Variants in GDPD5 observed in about 807,000 individuals in gnomAD.
GDPD5 encodes glycerophosphodiester phosphodiesterase domain containing 5.
GDPD5 carries 48 observed loss-of-function variants against 75.1 expected under a neutral mutation model. The observed-to-expected ratio is 0.64, with a 90% CI of 0.51 to 0.81. The LOEUF (loss-of-function observed/expected upper bound fraction) is 0.81, where lower values mean the gene tolerates loss of function less well. GDPD5 is among the 40% of genes least tolerant of loss of function. The probability of loss-of-function intolerance (pLI) is 0.00; values close to 1 mark genes in which losing one functional copy is unlikely to be tolerated. For missense variants in GDPD5, 706 were observed against 822.6 expected (o/e 0.86, Z 1.73); for synonymous variants, 336 against 339.0 (o/e 0.99, Z 0.10).
chr11:75,457,782 G>C lies in GDPD5; in HGVS notation c.226C>G (p.Leu76Val). The C allele has an allele frequency of 1.9e-6, 3 of 1,613,818 alleles. No individual in the cohort carries two copies. In the South Asian group the frequency reaches 3.3e-5, roughly 18 times the overall value. The change falls in exon 5 of 17, where the codon CTC becomes GTC. Residue 76 changes from leucine (L) to valine (V), a missense_variant. Transcript: ENST00000336898. ...CTCCAGTAGCCCATGCGGTTGTAGA[G>C]GTACCTGCCAGGAGGAGAGGGGGCA... ...HNDYDEFNWY[L>V]YNRMGYWSDW...
chr11:75,473,992 C>T (rs143185318), intron 3 of GDPD5, among the ~76,000 whole-genome samples: 43 of 152,268 alleles, frequency 2.8e-4, no homozygotes, highest in Admixed American at 8.5e-4. Flanking sequence ...CTTATGACCC[C>T]AGAGCAGGTA....
At chr11:75,495,472 A>G (rs1263989563) in intron 1 of GDPD5, among the ~76,000 whole-genome samples, 2 of 152,106 alleles carry the variant, frequency 1.3e-5, no homozygotes, top group African/African-American at 4.8e-5. Flanking sequence ...GTCTCAAAAA[A>G]AGAAAAAAAA....
chr11:75,498,241 C>A (rs1398544750), intron 1 of GDPD5, among the ~76,000 whole-genome samples: 1 of 152,210 alleles, frequency 6.6e-6, no homozygotes, highest in Non-Finnish European at 1.5e-5. Context: ...AAGTGAGAGT[C>A]ACATAGTCAG....
At chr11:75,520,935 A>T (rs952908416) in intron 1 of GDPD5, among the ~76,000 whole-genome samples, 7 of 152,144 alleles carry the variant, frequency 4.6e-5, no homozygotes, top group Admixed American at 2.6e-4. Flanking sequence ...AGCTCAGGCC[A>T]CCACCCTCCT....
intron 3 of GDPD5, among the ~76,000 whole-genome samples, chr11:75,476,421 A>C (rs982194407): frequency 6.6e-6 from 1 of 150,976 alleles, no homozygotes; most frequent in Non-Finnish European, 1.5e-5. Context: ...AACTAGATTC[A>C]AGTAGAGGAT....
chr11:75,521,741 C>G (rs1049713896), intron 1 of GDPD5, among the ~76,000 whole-genome samples: 1 of 152,116 alleles, frequency 6.6e-6, no homozygotes, highest in Admixed American at 6.5e-5. Context: ...TCAGTCAGGT[C>G]TTGACAGGTG....
intron 3 of GDPD5, among the ~76,000 whole-genome samples, chr11:75,472,585 G>A (rs905828809): frequency 1.3e-5 from 2 of 152,062 alleles, no homozygotes; most frequent in African/African-American, 2.4e-5. Flanking sequence ...CAAGAACACA[G>A]CACACACCCG....
intron 3 of GDPD5, among the ~76,000 whole-genome samples, chr11:75,476,624 T>C (rs1949784460): frequency 6.6e-6 from 1 of 152,156 alleles, no homozygotes; most frequent in Non-Finnish European, 1.5e-5. Context: ...CCCTCTCCTT[T>C]GCCTCAGTTT....
chr11:75,470,666 T>A, intron 3 of GDPD5, among the ~76,000 whole-genome samples: 1 of 152,250 alleles, frequency 6.6e-6, no homozygotes, highest in Admixed American at 6.5e-5. Flanking sequence ...TCAACAAATG[T>A]ATGCCTTCAA....
At chr11:75,500,242 C>A (rs568343643) in intron 1 of GDPD5, among the ~76,000 whole-genome samples, 1 of 152,176 alleles carries the variant, frequency 6.6e-6, no homozygotes, top group Non-Finnish European at 1.5e-5. Flanking sequence ...GCCTGGGGCT[C>A]ATGCAGTTCA....
intron 3 of GDPD5, among the ~76,000 whole-genome samples, chr11:75,464,698 G>A (rs755480601): frequency 3.7e-4 from 57 of 152,180 alleles, no homozygotes; most frequent in South Asian, 8.3e-4. Context: ...GGCTTGGGGA[G>A]GTGGTGGCTT....
rs1413356024 is a variant in GDPD5 at position 75,477,813 on chromosome 11, G to A, written c.-60-18C>T. The A allele has an allele frequency of 1.0e-6, 1 of 973,392 alleles. No homozygotes were observed. The highest frequency in any genetic ancestry group is 1.5e-6 in the Non-Finnish European group (1 of 658,896). 60.3% of individuals were successfully genotyped at this position (973,392 alleles called of 1,614,324 possible). On this transcript the variant is annotated intron_variant, in intron 2 of 16. Transcript: ENST00000336898. ...AGCTTGTCCTGCAGGAGGAAGCACA[G>A]GGCAGTGAGGCAGGGGAAGGGTGAG...
rs141517035 is a variant in GDPD5, at chr11:75,441,175, G to C, written c.1461C>G (p.Pro487=). 3.2e-5 allele frequency: 51 copies of C among 1,613,672 alleles called. No homozygotes were observed. The highest frequency in any genetic ancestry group is 3.7e-5 in the Non-Finnish European group (44 of 1,179,932). The part of the protein sequence containing the change: ...NSHALSQVPS[P]LWIMPPDEYC... ...CCCCCCAACTCACCATGATCCAGAG[G>C]GGGGAAGGCACCTGGGACAGGGCGT... The change falls in exon 14 of 17, where the codon CCC becomes CCG. Residue 487 remains proline (P), a synonymous_variant. Coordinates refer to ENST00000336898, the MANE Select transcript of GDPD5 (RefSeq NM_030792.8).
At chr11:75,471,228 T>C (rs748332545) in intron 3 of GDPD5, among the ~76,000 whole-genome samples, 3 of 152,136 alleles carry the variant, frequency 2.0e-5, no homozygotes, top group Admixed American at 6.5e-5. Context: ...AAGGGAGAGA[T>C]GGGCAGGCTA....
chr11:75,500,515 G>A (rs1950287080), intron 1 of GDPD5, among the ~76,000 whole-genome samples: 2 of 152,064 alleles, frequency 1.3e-5, no homozygotes, highest in African/African-American at 4.8e-5. Flanking sequence ...CTCTGCCCAG[G>A]CCTGAATGCT....
chr11:75,462,805 C>T lies in GDPD5; in HGVS notation c.202G>A (p.Asp68Asn). Residue 68 changes from aspartate to asparagine, a missense_variant, in exon 4 of 17, where the codon GAC becomes AAC. Transcript: ENST00000336898. ...WLYFWWEVHN[D>N]YDEFNWYLYN... ...ACTCACCAGTTGAATTCATCATAGT[C>T]ATTGTGGACTTCCCACCAGAAGTAA... 2 of 1,613,598 alleles carry T rather than the reference C, an allele frequency of 1.2e-6. No homozygotes were observed. The highest frequency in any genetic ancestry group is 1.7e-6 in the Non-Finnish European group (2 of 1,179,736).
At chr11:75,442,995 G>A (rs1948868341) in intron 11 of GDPD5, 141 bp downstream of exon 11, 1 of 905,920 alleles carries the variant, frequency 1.1e-6, no homozygotes, top group Non-Finnish European at 1.8e-6. Flanking sequence ...AGCCTAGGAG[G>A]CCACTAAGCA....
At chr11:75,484,314 C>T (rs1331686980) in intron 2 of GDPD5, among the ~76,000 whole-genome samples, 1 of 152,196 alleles carries the variant, frequency 6.6e-6, no homozygotes, top group Non-Finnish European at 1.5e-5. Context: ...AATGTCTGCA[C>T]TAGTTGTGAG....
intron 1 of GDPD5, among the ~76,000 whole-genome samples, chr11:75,508,715 C>T (rs771866301): frequency 7.2e-5 from 11 of 152,200 alleles, no homozygotes; most frequent in Admixed American, 1.3e-4. Context: ...CCAATCTAAG[C>T]GGAGGGAGGA....
Sources: allele counts gnomAD v4.1 joint callset (sites outside exome capture counted in the v4.1 genomes callset), GRCh38; gene constraint gnomAD v4.1.1; transcripts MANE v1.5; gene names NCBI Gene and HGNC (gene_info 2026-07-23, HGNC 2026-07-21).